KDM4C: variants seen among roughly 807,000 people sequenced by gnomAD.
KDM4C encodes the protein lysine-specific demethylase 4C.
KDM4C carries 81 observed loss-of-function variants against 129.3 expected under a neutral mutation model. The ratio of observed to expected loss-of-function variants is 0.63; its 90% CI spans 0.52 to 0.75. KDM4C has a LOEUF of 0.75. Among genes scored for constraint, KDM4C ranks in the 30% least tolerant of loss-of-function variants. The pLI is 0.00. For synonymous variants in KDM4C, 573 were observed against 456.1 expected (o/e 1.26, Z -3.26); for missense variants, 1,457 against 1,304.0 (o/e 1.12, Z -1.81).
At chr9:7,039,233 C>T (rs566046900) in intron 15 of KDM4C, among the ~76,000 whole-genome samples, 2 of 152,014 alleles carry the variant, frequency 1.3e-5, no homozygotes, top group South Asian at 4.1e-4. Flanking sequence ...ACACTCCATT[C>T]AGTTGGATCT....
intron 17 of KDM4C, among the ~76,000 whole-genome samples, chr9:7,064,303 A>T (rs985402338): frequency 6.6e-6 from 1 of 152,194 alleles, no homozygotes; most frequent in Non-Finnish European, 1.5e-5. Context: ...TTAGATTTAT[A>T]AGATTAAAGT....
chr9:6,861,534 A>T lies in KDM4C; in HGVS notation c.629+11834A>T, dbSNP rs74893929. Among the ~76,000 whole-genome samples, 3 of 152,152 alleles carry T rather than the reference A, an allele frequency of 2.0e-5. No homozygotes were observed. The East Asian group carries it at 5.8e-4, about 29-fold the overall frequency. ...AACTGCTTATTAGAAATGTTCAGCC[A>T]CTCTACCATATTTTGATTGTCAGTG... On this transcript the variant is annotated intron_variant, in intron 5 of 21. Transcript: ENST00000381309.
chr9:6,922,773 A>G (rs1821769805), intron 8 of KDM4C, among the ~76,000 whole-genome samples: 1 of 152,206 alleles, frequency 6.6e-6, no homozygotes, highest in African/African-American at 2.4e-5. Context: ...CAGCCTTCCA[A>G]CATATCCTCA....
intron 13 of KDM4C, 88 bp downstream of exon 13, chr9:7,011,967 T>C: frequency 8.9e-7 from 1 of 1,124,572 alleles, no homozygotes; most frequent in Admixed American, 2.2e-5. Context: ...TGTTGTGGGC[T>C]TCCTTTGCAC....
intron 8 of KDM4C, among the ~76,000 whole-genome samples, chr9:6,961,074 C>T (rs1049243172): frequency 6.6e-6 from 1 of 152,164 alleles, no homozygotes; most frequent in Non-Finnish European, 1.5e-5. Flanking sequence ...ACTTAAACAC[C>T]ATGTAGTGCC....
intron 15 of KDM4C, among the ~76,000 whole-genome samples, chr9:7,024,436 A>G (rs2132289305): frequency 6.6e-6 from 1 of 151,380 alleles, no homozygotes; most frequent in South Asian, 2.1e-4. Flanking sequence ...GCACCCATTA[A>G]CCTGTCATTT....
At chr9:6,860,197 T>TGG (rs141473130) in intron 5 of KDM4C, among the ~76,000 whole-genome samples, 2 of 152,084 alleles carry the variant, frequency 1.3e-5, no homozygotes, top group African/African-American at 4.8e-5. Flanking sequence ...GTGATGGGGA[T>TGG]GGGGGGGCGT....
intron 17 of KDM4C, among the ~76,000 whole-genome samples, chr9:7,079,398 A>C (rs2132917205): frequency 6.6e-6 from 1 of 152,298 alleles, no homozygotes; most frequent in African/African-American, 2.4e-5. Flanking sequence ...ATCTTGGCTC[A>C]CTACAACCCC....
chr9:6,827,157 C>T (rs187094180), intron 4 of KDM4C, among the ~76,000 whole-genome samples: 1 of 152,190 alleles, frequency 6.6e-6, no homozygotes, highest in South Asian at 2.1e-4. Flanking sequence ...TTAAACATCA[C>T]AGAATATTTG....
At chr9:6,967,185 A>C (rs1831136001) in intron 8 of KDM4C, among the ~76,000 whole-genome samples, 1 of 152,078 alleles carries the variant, frequency 6.6e-6, no homozygotes, top group South Asian at 2.1e-4. Flanking sequence ...GCACTTGGGG[A>C]GGCCAAGGCA....
At chr9:7,103,468 C>T (rs1020753436) in intron 17 of KDM4C, among the ~76,000 whole-genome samples, 16 of 152,276 alleles carry the variant, frequency 1.1e-4, no homozygotes, top group Admixed American at 2.6e-4. Context: ...ATATGTCTGG[C>T]AGTCTGTGAC....
chr9:6,800,848 G>A (rs375709333), intron 2 of KDM4C, among the ~76,000 whole-genome samples: 1 of 152,082 alleles, frequency 6.6e-6, no homozygotes. Context: ...GGCTTGTCTC[G>A]AATTCCTGAG....
intron 18 of KDM4C, among the ~76,000 whole-genome samples, chr9:7,118,956 T>TCTACCTCACAAAAGCCCTTCCC (rs1839210105): frequency 6.6e-6 from 1 of 152,138 alleles, no homozygotes; most frequent in South Asian, 2.1e-4. Context: ...CTTCCCTCAT[T>TCTACCTCACAAAAGCCCTTCCC]CTACCTCACA....
In KDM4C at chr9:6,844,780, C is replaced by T. The variant is rs867620640; in HGVS notation, c.436-4727C>T. Reference sequence around the variant, plus strand: ...TCTGCTCACCACAACCTCTGCCTCCCGGGTTCAAGTGATTCTCCTACCTCA... The same window carrying T: ...TCTGCTCACCACAACCTCTGCCTCCTGGGTTCAAGTGATTCTCCTACCTCA... On this transcript the variant is annotated intron_variant, in intron 4 of 21. Transcript: ENST00000381309. Among the ~76,000 whole-genome samples, 5 of 152,078 alleles carry T rather than the reference C, an allele frequency of 3.3e-5. No homozygotes were observed. The South Asian group carries it at 6.2e-4, about 19-fold the overall frequency.
At chr9:6,884,055 TA>T (rs1329577961) in intron 6 of KDM4C, among the ~76,000 whole-genome samples, 6 of 152,174 alleles carry the variant, frequency 3.9e-5, no homozygotes, top group African/African-American at 1.4e-4. Context: ...TCTAGGAGAT[TA>T]AAACAAGCCA....
chr9:6,944,652 GTTTT>G (rs1158199897), intron 8 of KDM4C, among the ~76,000 whole-genome samples: 42 of 80,996 alleles, frequency 5.2e-4, no homozygotes, highest in Admixed American at 4.8e-3. Context: ...CAAGGTAGAG[GTTTT>G]TTTTTTTTTT....
At chr9:6,822,232 G>C (rs1251024877) in intron 4 of KDM4C, among the ~76,000 whole-genome samples, 1 of 152,206 alleles carries the variant, frequency 6.6e-6, no homozygotes, top group Non-Finnish European at 1.5e-5. Flanking sequence ...TACCGTGGCA[G>C]AGGTGCTTTA....
At position 7,049,180 on chromosome 9, in the gene KDM4C, C is replaced by A; in HGVS notation, c.2404C>A (p.Pro802Thr). The change falls in exon 17 of 22, where the codon CCT (proline) becomes ACT (threonine). Residue 802 changes from proline (P) to threonine (T), a missense_variant. Physicochemically the swap from Pro to Thr is conservative, Grantham distance 38 (BLOSUM62 -1). Transcript: ENST00000381309. ...ERTQIDVGRI[P>T]LQRLKLKCIF... ...GACACAAATAGATGTAGGCAGAATACCTTTACAGAGGTTAAAATTGGTGAG... is the reference window on the plus strand; with the variant it reads ...GACACAAATAGATGTAGGCAGAATAACTTTACAGAGGTTAAAATTGGTGAG... 6.2e-7 allele frequency: 1 copy of A among 1,602,084 alleles called. No individual in the cohort carries two copies. Among genetic ancestry groups the A allele is most frequent in the Non-Finnish European group, 8.5e-7 (1 of 1,170,062 alleles).
chr9:7,055,585 C>T (rs970662403), intron 17 of KDM4C, among the ~76,000 whole-genome samples: 1 of 152,082 alleles, frequency 6.6e-6, no homozygotes, highest in African/African-American at 2.4e-5. Context: ...ACCTGCAAGC[C>T]AAAGATTATA....
Sources: allele counts gnomAD v4.1 joint callset (sites outside exome capture counted in the v4.1 genomes callset), GRCh38; gene constraint gnomAD v4.1.1; transcripts MANE v1.5; gene names NCBI Gene and HGNC (gene_info 2026-07-23, HGNC 2026-07-21).